Variants in SYNM observed in about 807,000 individuals in gnomAD.
SYNM encodes the protein synemin.
Under a neutral mutation model 104.0 loss-of-function variants are expected in SYNM, and 95 were observed. The ratio of observed to expected loss-of-function variants is 0.91; its 90% CI spans 0.77 to 1.08. The LOEUF (loss-of-function observed/expected upper bound fraction) is 1.08, where lower values mean the gene tolerates loss of function less well. Ranked by LOEUF, SYNM falls within the 50% of genes least tolerant of loss-of-function variation. The pLI is 0.00. For missense variants in SYNM, 2,150 were observed against 2,052.2 expected, an observed-to-expected ratio of 1.05 and a Z score of -0.92; for synonymous variants, 918 against 869.0, an observed-to-expected ratio of 1.06 and a Z score of -0.99.
At position 99,105,583 on chromosome 15, in the gene SYNM, C is replaced by G; in HGVS notation, c.384C>G (p.Ala128=). 2 of 1,146,882 alleles carry G rather than the reference C, an allele frequency of 1.7e-6. No homozygotes were observed. Among genetic ancestry groups the G allele is most frequent in the Non-Finnish European group, 2.1e-6 (2 of 932,448 alleles). The allele number at this position is 1,146,882 out of a possible 1,614,324, so 71.0% of individuals were successfully genotyped here. A position where few individuals can be genotyped will look rare whatever the true frequency, so the allele number is the denominator to read the frequency against. Reference sequence around the variant, plus strand: ...TGCAGGAGGCGCTGGGCGCGCGCGCCGCCCTCGAGGCGCTGCTGGGCCGGC... The same window carrying G: ...TGCAGGAGGCGCTGGGCGCGCGCGCGGCCCTCGAGGCGCTGCTGGGCCGGC... ...RELQEALGAR[A]ALEALLGRLQ... Residue 128 remains alanine, a synonymous_variant, in exon 1 of 4, where the codon GCC becomes GCG. Transcript: ENST00000336292.
chr15:99,108,905 C>A (rs1220256983), intron 1 of SYNM, among the ~76,000 whole-genome samples: 1 of 152,238 alleles, frequency 6.6e-6, no homozygotes, highest in Non-Finnish European at 1.5e-5. Flanking sequence ...CTGCTGATTT[C>A]AAGTCCTAAA....
downstream of SYNM, chr15:99,137,959 C>T (rs781965722): frequency 1.2e-6 from 2 of 1,610,660 alleles, no homozygotes. Flanking sequence ...TTGTACAGCA[C>T]CCTAAATGAC....
At chr15:99,111,581 G>A (rs1445347720) in intron 1 of SYNM, among the ~76,000 whole-genome samples, 2 of 152,134 alleles carry the variant, frequency 1.3e-5, no homozygotes, top group East Asian at 3.9e-4. Flanking sequence ...TTTCCACCCT[G>A]GGACATAAGC....
chr15:99,131,726 G>C lies in SYNM; in HGVS notation c.3366G>C (p.Gln1122His). The C allele has an allele frequency of 1.2e-6, 2 of 1,613,878 alleles. No homozygotes were observed. Among genetic ancestry groups the C allele is most frequent in the Non-Finnish European group, 1.7e-6 (2 of 1,179,910 alleles). Residue 1122 changes from glutamine to histidine, a missense_variant, in exon 4 of 4, where the codon CAG becomes CAC. Gln to His is a conservative substitution (Grantham distance 24). Transcript: ENST00000336292. This position sits in a 1 kb window ranked among gnomAD's most constrained non-coding sequence, Gnocchi z 4.3. ...AQSQVLEDVSQAARHIKLGPS... is the reference protein window; with the variant it reads ...AQSQVLEDVSHAARHIKLGPS... ...CACAGGTGCTGGAGGATGTGAGCCAGGCTGCAAGGCACATAAAACTCGGCC... is the reference window on the plus strand; with the variant it reads ...CACAGGTGCTGGAGGATGTGAGCCACGCTGCAAGGCACATAAAACTCGGCC...
intron 2 of SYNM, among the ~76,000 whole-genome samples, chr15:99,123,971 G>A (rs1596129601): frequency 6.6e-6 from 1 of 152,392 alleles, no homozygotes; most frequent in East Asian, 1.9e-4. Flanking sequence ...ATGACAGCCG[G>A]CTTCTGCACT....
At chr15:99,116,997 C>A (rs1041570403) in intron 2 of SYNM, among the ~76,000 whole-genome samples, 2 of 143,844 alleles carry the variant, frequency 1.4e-5, no homozygotes, top group African/African-American at 2.5e-5. Context: ...TTTTAAACAA[C>A]CAGATCTCAT....
At position 99,129,580 on chromosome 15, in the gene SYNM, C is replaced by T. The variant is rs1555485416; in HGVS notation, c.1220C>T (p.Ala407Val). The T allele has an allele frequency of 3.1e-6, 5 of 1,613,964 alleles. No homozygotes were observed. The South Asian group carries it at 4.4e-5, about 14-fold the overall frequency. Residue 407 changes from alanine (A) to valine (V), a missense_variant, in exon 4 of 4, where the codon GCC becomes GTC. Coordinates refer to ENST00000336292, the MANE Select transcript of SYNM (RefSeq NM_145728.3). ...TTGGGCTCGGGATATTCTTCCTCGG[C>T]CACTACCCAGCAGGAAAACTCATAC... ...GFLGSGYSSS[A>V]TTQQENSYGK...
At chr15:99,115,467 C>CT (rs1239411620) in intron 2 of SYNM, among the ~76,000 whole-genome samples, 52 of 99,062 alleles carry the variant, frequency 5.2e-4, no homozygotes, top group Middle Eastern at 7.1e-3. Flanking sequence ...TTATTTTATT[C>CT]TATTTTTTTT....
rs1232676232 is a variant in SYNM, at chr15:99,131,052, C to G, written c.2692C>G (p.Leu898Val). 5 of 1,607,706 alleles carry G rather than the reference C, an allele frequency of 3.1e-6. No homozygotes were observed. The highest frequency in any genetic ancestry group is 4.2e-6 in the Non-Finnish European group (5 of 1,176,844). ...GCCCTTGGATGTCCCAGCGCCCTCT[C>G]TGGAGGGGGACCTGGGTTCCACTCA... ...VKPLDVPAPS[L>V]EGDLGSTHWK... Residue 898 changes from leucine to valine, a missense_variant, in exon 4 of 4, where the codon CTG becomes GTG. Transcript: ENST00000336292. The surrounding 1 kb of genome is among the most constrained non-coding windows in gnomAD (Gnocchi z 4.3).
At chr15:99,137,873 T>C (rs1437027240), downstream of SYNM, 14 of 1,400,606 alleles carry the variant, frequency 1.0e-5, no homozygotes, top group African/African-American at 2.0e-4. Context: ...GTCTCACTGT[T>C]GCATGTTGGG....
intron 2 of SYNM, among the ~76,000 whole-genome samples, chr15:99,123,518 G>C (rs2067420355): frequency 6.6e-6 from 1 of 152,266 alleles, no homozygotes; most frequent in African/African-American, 2.4e-5. Context: ...TCTGTTCCCT[G>C]GTCTTCCCGG....
At chr15:99,128,032 CATT>C (rs1278173565) in intron 3 of SYNM, among the ~76,000 whole-genome samples, 1 of 150,490 alleles carries the variant, frequency 6.6e-6, no homozygotes, top group Non-Finnish European at 1.5e-5. Flanking sequence ...TTCATTCATT[CATT>C]ATTTTTCAAG....
chr15:99,130,355 C>G lies in SYNM; in HGVS notation c.1995C>G (p.Asp665Glu), dbSNP rs781937076. The change falls in exon 4 of 4, where the codon GAC becomes GAG. Residue 665 changes from aspartate to glutamate, a missense_variant. By Grantham distance (45) the Asp-to-Glu change is conservative. Transcript: ENST00000336292. ...ETEASADSFP[D>E]TKVTYVDRKE... ...AAGCATCTGCTGATTCTTTTCCAGA[C>G]ACAAAAGTCACTTACGTGGACAGGA... 47 of 1,613,600 alleles carry G rather than the reference C, an allele frequency of 2.9e-5. No homozygotes were observed. The South Asian group carries it at 4.5e-4, about 15-fold the overall frequency.
downstream of SYNM, chr15:99,138,031 C>T: frequency 6.2e-7 from 1 of 1,614,092 alleles, no homozygotes; most frequent in Non-Finnish European, 8.5e-7. Context: ...TTGTGCCGGG[C>T]CGGGCCTTCC....
At chr15:99,116,820 G>T (rs1215641193) in intron 2 of SYNM, among the ~76,000 whole-genome samples, 4 of 143,708 alleles carry the variant, frequency 2.8e-5, no homozygotes, top group African/African-American at 9.9e-5. Context: ...GGGACTACAG[G>T]CACCTGCCAC....
chr15:99,111,377 G>C (rs1279432222), intron 1 of SYNM, among the ~76,000 whole-genome samples: 1 of 152,228 alleles, frequency 6.6e-6, no homozygotes, highest in Non-Finnish European at 1.5e-5. Context: ...AGCCCATCTT[G>C]TATGAGAACC....
chr15:99,115,450 A>T (rs2067339150), intron 2 of SYNM, among the ~76,000 whole-genome samples: 2 of 135,888 alleles, frequency 1.5e-5, no homozygotes, highest in Admixed American at 7.7e-5. Flanking sequence ...TTTAATTTTA[A>T]TTTTATTTAT....
chr15:99,117,451 C>A (rs2067360131), intron 2 of SYNM, among the ~76,000 whole-genome samples: 1 of 152,184 alleles, frequency 6.6e-6, no homozygotes, highest in Admixed American at 6.5e-5. Context: ...TGGGAGTTAC[C>A]CCAAATCAGG....
chr15:99,135,804 A>G (rs1489733608), downstream of SYNM, among the ~76,000 whole-genome samples: 2 of 152,268 alleles, frequency 1.3e-5, no homozygotes, highest in Admixed American at 6.5e-5. Flanking sequence ...CAGACAGAGC[A>G]TAAGCCAATT....
Sources: gnomAD v4.1 joint callset for allele counts (sites outside exome capture counted in the v4.1 genomes callset) on GRCh38, gnomAD v4.1.1 for gene constraint, Gnocchi (gnomAD v3.1) non-coding constraint, MANE v1.5 for transcripts, NCBI Gene and HGNC (gene_info 2026-07-23, HGNC 2026-07-21) for gene names.